The following TRAF3 variants were observed in gnomAD, a reference collection of about 807,000 sequenced individuals.
TRAF3 encodes TNF receptor associated factor 3.
Under a neutral mutation model 62.3 loss-of-function variants are expected in TRAF3, and 13 were observed. That is an observed-to-expected ratio of 0.21 (90% CI 0.14 to 0.33). TRAF3 has a LOEUF of 0.33. Ranked by LOEUF, TRAF3 falls within the 10% of genes least tolerant of loss-of-function variation. The pLI, the probability that TRAF3 is intolerant of heterozygous loss-of-function variation, is 1.00. For missense variants in TRAF3, 440 were observed against 741.8 expected, an observed-to-expected ratio of 0.59 and a Z score of 4.73; for synonymous variants, 269 against 283.4, an observed-to-expected ratio of 0.95 and a Z score of 0.51.
chr14:102,861,002 T>C (rs968794543), intron 2 of TRAF3, among the ~76,000 whole-genome samples: 37 of 152,046 alleles, frequency 2.4e-4, no homozygotes, highest in African/African-American at 6.8e-4. Context: ...ACAGAAAAGA[T>C]AGGAAAGGGA....
chr14:102,897,684 A>G (rs567873196), intron 10 of TRAF3, among the ~76,000 whole-genome samples: 1 of 152,362 alleles, frequency 6.6e-6, no homozygotes, highest in African/African-American at 2.4e-5. Context: ...ATAAGATGCG[A>G]AGCTTGTATT....
In TRAF3 at chr14:102,813,840, G is replaced by C. The variant is rs114944589; in HGVS notation, c.-156-16494G>C. ...CAATCCCCTGTTGGATGAATAGTTC[G>C]CAAATACTTTCTCCCATTCTGTAGG... is the stretch of plus-strand genomic sequence containing the variant. On this transcript the variant is annotated intron_variant, in intron 1 of 11. Coordinates refer to ENST00000392745, the MANE Select transcript of TRAF3 (RefSeq NM_145725.3). Among the ~76,000 whole-genome samples the C allele has an allele frequency of 7.8e-3, 1,183 of 151,990 alleles. 20 individuals are homozygous for C. The highest frequency in any genetic ancestry group is 0.027 in the African/African-American group (1,117 of 41,436).
chr14:102,897,535 C>A (rs575298739), intron 10 of TRAF3, 134 bp downstream of exon 10: 15 of 1,233,998 alleles, frequency 1.2e-5, no homozygotes, highest in Non-Finnish European at 1.7e-5. Context: ...TTTCTCTGGC[C>A]TAAGTGAAGG....
intron 1 of TRAF3, among the ~76,000 whole-genome samples, chr14:102,798,485 T>C (rs964559283): frequency 2.0e-5 from 3 of 152,210 alleles, no homozygotes; most frequent in African/African-American, 7.2e-5. Flanking sequence ...AAAACAAATA[T>C]AAAAACTAGC....
At position 102,906,134 on chromosome 14, in the gene TRAF3, AAC is replaced by A. The variant is rs142806500; in HGVS notation, c.*367_*368del. The A allele has an allele frequency of 7.4e-3, 1,564 of 211,870 alleles. No individual in the cohort carries two copies. Among genetic ancestry groups the A allele is most frequent in the East Asian group, 0.013 (121 of 9,422 alleles). 13.1% of individuals were successfully genotyped at this position (211,870 alleles called of 1,614,324 possible). On this transcript the variant is annotated 3_prime_UTR_variant, in exon 12 of 12. Transcript: ENST00000392745. Reference sequence around the variant, plus strand: ...CTTCCTTAAACTTGAACACCAAAAAAACACACACACACACACACGTGGGGATA... The same window carrying A: ...CTTCCTTAAACTTGAACACCAAAAAAACACACACACACACACGTGGGGATA...
chr14:102,833,632 A>G lies in TRAF3; in HGVS notation c.-18+3160A>G, dbSNP rs78238769. Among the ~76,000 whole-genome samples the G allele has an allele frequency of 4.4e-3, 669 of 152,322 alleles. 13 individuals carry two copies. Among genetic ancestry groups the G allele is most frequent in the East Asian group, 0.028 (144 of 5,182 alleles). On this transcript the variant is annotated intron_variant, in intron 2 of 11. Transcript: ENST00000392745. The stretch of plus-strand genomic sequence containing the variant: ...GCTTTTGATATTTTAATTTATAGGC[A>G]ATTCTTTTAAGTTTCATTTTTCTCA...
At chr14:102,902,499 A>G (rs571310129) in intron 10 of TRAF3, among the ~76,000 whole-genome samples, 2 of 152,304 alleles carry the variant, frequency 1.3e-5, no homozygotes, top group South Asian at 4.1e-4. Flanking sequence ...CCAAGGGAAG[A>G]TGAGGCCACA....
At position 102,826,110 on chromosome 14, in the gene TRAF3, C is replaced by T. The variant is rs1169920987; in HGVS notation, c.-156-4224C>T. Among the ~76,000 whole-genome samples the T allele has an allele frequency of 3.3e-5, 5 of 152,174 alleles. No individual in the cohort carries two copies. The highest frequency in any genetic ancestry group is 1.2e-4 in the African/African-American group (5 of 41,432). ...CCCTCCCACCCCCGTGAGGTAACAA[C>T]GTCTTTTCCAGTTGGTGTCAGTGAA... On this transcript the variant is annotated intron_variant, in intron 1 of 11. Transcript: ENST00000392745. This position sits in a 1 kb window ranked among gnomAD's most constrained non-coding sequence, Gnocchi z 4.6.
intron 10 of TRAF3, among the ~76,000 whole-genome samples, chr14:102,899,355 T>A (rs1434780377): frequency 6.6e-6 from 1 of 152,194 alleles, no homozygotes; most frequent in Non-Finnish European, 1.5e-5. Flanking sequence ...AGGCCCCGCC[T>A]ACCCTCTTGA....
chr14:102,902,876 A>G (rs2139999759), intron 10 of TRAF3, among the ~76,000 whole-genome samples: 1 of 152,074 alleles, frequency 6.6e-6, no homozygotes, highest in African/African-American at 2.4e-5. Context: ...TGTGGGCAGC[A>G]GAAGCATGAG....
rs570970566 is a variant in TRAF3, at chr14:102,789,297, A to G, written c.-157+11622A>G. Reference sequence around the variant, plus strand: ...GGCATTTGGATTATTTTCACTGACTATTAAGAATAATGCTGCTATAAACAT... The same window carrying G: ...GGCATTTGGATTATTTTCACTGACTGTTAAGAATAATGCTGCTATAAACAT... On this transcript the variant is annotated intron_variant, in intron 1 of 11. Coordinates refer to ENST00000392745, the MANE Select transcript of TRAF3 (RefSeq NM_145725.3). 2.6e-5 allele frequency among the ~76,000 whole-genome samples: 4 copies of G among 152,284 alleles called. No homozygotes were observed. The South Asian group carries it at 6.2e-4, about 24-fold the overall frequency.
chr14:102,784,599 AG>A (rs2140062951), intron 1 of TRAF3, among the ~76,000 whole-genome samples: 1 of 152,292 alleles, frequency 6.6e-6, no homozygotes, highest in South Asian at 2.1e-4. Flanking sequence ...GAACTTTCTA[AG>A]TGCTAGGGGC....
intron 1 of TRAF3, among the ~76,000 whole-genome samples, chr14:102,806,413 A>G (rs1898776285): frequency 6.6e-6 from 1 of 152,226 alleles, no homozygotes; most frequent in Non-Finnish European, 1.5e-5. Flanking sequence ...CCAACATGCC[A>G]TAATTTACAT....
Position 102,859,193 on chromosome 14 carries a change from C to A in TRAF3, c.-17-10992C>A, listed in dbSNP as rs1426663770. On this transcript the variant is annotated intron_variant, in intron 2 of 11. Transcript: ENST00000392745. The stretch of plus-strand genomic sequence containing the variant: ...AATCCCTTAACCCTTTAATTTAGGC[C>A]AAAAAAAAAAAAAATCCACATTCAC... Among the ~76,000 whole-genome samples the A allele has an allele frequency of 6.1e-4, 88 of 143,858 alleles. 1 individual carries two copies. Among genetic ancestry groups the A allele is most frequent in the African/African-American group, 1.7e-3 (69 of 39,964 alleles). The allele number at this position is 143,858 out of a possible 152,430, so 94.4% of individuals were successfully genotyped here.
chr14:102,894,691 C>T (rs1371099818), intron 9 of TRAF3, among the ~76,000 whole-genome samples: 1 of 152,180 alleles, frequency 6.6e-6, no homozygotes, highest in Admixed American at 6.5e-5. Flanking sequence ...TTTAGTGTGG[C>T]ATGATGTGTG....
At chr14:102,891,069 C>T (rs1440472399) in intron 8 of TRAF3, among the ~76,000 whole-genome samples, 1 of 152,168 alleles carries the variant, frequency 6.6e-6, no homozygotes, top group African/African-American at 2.4e-5. Flanking sequence ...TGAAGGGATG[C>T]GGAGATAACC....
intron 2 of TRAF3, among the ~76,000 whole-genome samples, chr14:102,846,985 A>G (rs192696266): frequency 3.3e-5 from 5 of 152,240 alleles, no homozygotes; most frequent in African/African-American, 9.6e-5. Context: ...AACGGTATAC[A>G]TATGTTTTCT....
intron 1 of TRAF3, among the ~76,000 whole-genome samples, chr14:102,795,504 G>C (rs1380984777): frequency 1.3e-5 from 2 of 152,126 alleles, no homozygotes; most frequent in Admixed American, 1.3e-4. Context: ...CTGAACTTCT[G>C]TGCAACATAG....
At chr14:102,886,429 T>A (rs185063977) in intron 7 of TRAF3, among the ~76,000 whole-genome samples, 160 bp downstream of exon 7, 92 of 152,278 alleles carry the variant, frequency 6.0e-4, no homozygotes, top group African/African-American at 1.9e-3. Context: ...TATGCCATTT[T>A]TTGGAAGTCA....
Sources: gnomAD v4.1 joint callset for allele counts (sites outside exome capture counted in the v4.1 genomes callset) on GRCh38, gnomAD v4.1.1 for gene constraint, Gnocchi (gnomAD v3.1) non-coding constraint, MANE v1.5 for transcripts, NCBI Gene and HGNC (gene_info 2026-07-23, HGNC 2026-07-21) for gene names.